The following RGS7 variants were observed in gnomAD, a reference collection of about 807,000 sequenced individuals.
The protein encoded by RGS7 is regulator of G protein signaling 7, also known as regulator of G-protein signaling 7.
In RGS7, 27 loss-of-function variants were observed where a neutral mutation model predicts 81.1. That is an observed-to-expected ratio of 0.33 (90% CI 0.25 to 0.46). The LOEUF is 0.46. Ranked by LOEUF, RGS7 falls within the 20% of genes least tolerant of loss-of-function variation. The probability of loss-of-function intolerance (pLI) is 1.00; values close to 1 mark genes in which losing one functional copy is unlikely to be tolerated. For synonymous variants in RGS7, 208 were observed against 207.7 expected (o/e 1.00, Z -0.01); for missense variants, 396 against 607.4 (o/e 0.65, Z 3.66).
intron 2 of RGS7, among the ~76,000 whole-genome samples, chr1:241,221,027 AAGGAAGGAAGGAAAAG>A (rs2074936143): frequency 8.7e-6 from 1 of 115,560 alleles, no homozygotes; most frequent in Non-Finnish European, 1.9e-5. Context: ...GGAAGGAAGG[AAGGAAGGAAGGAAAAG>A]AAAGAAAGAA....
At chr1:241,342,250 T>A (rs1331015620) in intron 2 of RGS7, among the ~76,000 whole-genome samples, 1 of 152,018 alleles carries the variant, frequency 6.6e-6, no homozygotes, top group Non-Finnish European at 1.5e-5. Context: ...AGAGCGAATA[T>A]CATAAAAATC....
chr1:241,274,902 T>C (rs2078110376), intron 2 of RGS7, among the ~76,000 whole-genome samples: 1 of 152,188 alleles, frequency 6.6e-6, no homozygotes, highest in Non-Finnish European at 1.5e-5. Context: ...TCAGATAACA[T>C]CACGACCAGA....
At chr1:240,986,086 T>C (rs1180143580) in intron 3 of RGS7, among the ~76,000 whole-genome samples, 1 of 152,122 alleles carries the variant, frequency 6.6e-6, no homozygotes, top group Non-Finnish European at 1.5e-5. Flanking sequence ...CAAAGTAACC[T>C]GTGGAATTTT....
In RGS7 at chr1:241,318,109, G is replaced by A. The variant is rs543614597; in HGVS notation, c.78+37590C>T. Among the ~76,000 whole-genome samples the A allele has an allele frequency of 4.9e-4, 74 of 152,204 alleles. 1 individual carries two copies. The Middle Eastern group carries it at 0.017, about 35-fold the overall frequency. On this transcript the variant is annotated intron_variant, in intron 2 of 18. Coordinates refer to ENST00000440928, the MANE Select transcript of RGS7 (RefSeq NM_001364886.1). ...TCTACGTGTTACAGACATATCCCCT[G>A]TCACTCAGGAGGTCCTAACCAGAGA...
chr1:240,865,721 T>A (rs1663110548), intron 9 of RGS7, among the ~76,000 whole-genome samples: 1 of 152,228 alleles, frequency 6.6e-6, no homozygotes, highest in Non-Finnish European at 1.5e-5. Flanking sequence ...GGGACAAATG[T>A]AAAAGTGTAG....
At chr1:241,011,738 A>T (rs1432192478) in intron 3 of RGS7, among the ~76,000 whole-genome samples, 1 of 152,196 alleles carries the variant, frequency 6.6e-6, no homozygotes, top group Non-Finnish European at 1.5e-5. Flanking sequence ...TGAGAACAGA[A>T]GCATTCTTAA....
chr1:241,127,557 G>A (rs951846555), intron 2 of RGS7, among the ~76,000 whole-genome samples: 12 of 152,078 alleles, frequency 7.9e-5, no homozygotes, highest in Non-Finnish European at 1.3e-4. Context: ...TGGGGGGAGC[G>A]GGGAGGGATA....
At chr1:241,056,550 G>C (rs544922183) in intron 3 of RGS7, among the ~76,000 whole-genome samples, 1 of 152,306 alleles carries the variant, frequency 6.6e-6, no homozygotes, top group East Asian at 1.9e-4. Flanking sequence ...GTAAGTATTT[G>C]TTGAATGAAT....
At chr1:240,799,681 A>G (rs1687720455) in intron 18 of RGS7, among the ~76,000 whole-genome samples, 1 of 152,212 alleles carries the variant, frequency 6.6e-6, no homozygotes, top group South Asian at 2.1e-4. Flanking sequence ...AGGTCTGTGC[A>G]TAATTTTTAT....
At chr1:240,945,831 T>C (rs892290481) in intron 4 of RGS7, among the ~76,000 whole-genome samples, 1 of 152,220 alleles carries the variant, frequency 6.6e-6, no homozygotes, top group Non-Finnish European at 1.5e-5. Context: ...AGCACATGTA[T>C]TTATCAATTT....
intron 18 of RGS7, among the ~76,000 whole-genome samples, chr1:240,792,977 C>A (rs1167829914): frequency 1.3e-5 from 2 of 152,026 alleles, no homozygotes; most frequent in Non-Finnish European, 2.9e-5. Flanking sequence ...TCATACAGAG[C>A]CCCCAGGATG....
intron 2 of RGS7, among the ~76,000 whole-genome samples, chr1:241,289,116 C>T (rs2078967029): frequency 6.6e-6 from 1 of 152,210 alleles, no homozygotes; most frequent in African/African-American, 2.4e-5. Flanking sequence ...AAGGAATGCT[C>T]TTCTTGGAGC....
intron 10 of RGS7, among the ~76,000 whole-genome samples, chr1:240,824,984 C>G (rs1464321370): frequency 6.6e-6 from 1 of 152,178 alleles, no homozygotes; most frequent in South Asian, 2.1e-4. Context: ...TTGCCACCAC[C>G]CTGATCTCGA....
Position 240,778,956 on chromosome 1 carries a change from C to T in RGS7, c.*7-2743G>A, listed in dbSNP as rs115905896. Among the ~76,000 whole-genome samples, 419 of 145,444 alleles carry T rather than the reference C, an allele frequency of 2.9e-3. 1 individual carries two copies. Among genetic ancestry groups the T allele is most frequent in the African/African-American group, 0.01 (377 of 36,612 alleles). ...CCCTGCTTTATAAATAAAATATGCACTCCTGCCTGCTCTGGTCTGTCTGTC... is the reference window on the plus strand; with the variant it reads ...CCCTGCTTTATAAATAAAATATGCATTCCTGCCTGCTCTGGTCTGTCTGTC... On this transcript the variant is annotated intron_variant, in intron 18 of 18. Transcript: ENST00000440928.
chr1:240,988,564 G>A (rs1024476426), intron 3 of RGS7, among the ~76,000 whole-genome samples: 1 of 152,132 alleles, frequency 6.6e-6, no homozygotes, highest in African/African-American at 2.4e-5. Flanking sequence ...ATAAGTAATT[G>A]CTAATATCTA....
Position 240,868,885 on chromosome 1 carries a change from T to C in RGS7, c.451-33A>G. 1 of 1,596,248 alleles carries C rather than the reference T, an allele frequency of 6.3e-7. No individual in the cohort carries two copies. The stretch of plus-strand genomic sequence containing the variant: ...ACATACCCCAGGTGAAGACATTTGG[T>C]GTTCATTGTCACTGCTCTCTTCTAG... On this transcript the variant is annotated intron_variant, in intron 7 of 18. Coordinates refer to ENST00000440928, the MANE Select transcript of RGS7 (RefSeq NM_001364886.1). The surrounding 1 kb of genome is among the most constrained non-coding windows in gnomAD (Gnocchi z 5.1).
Position 241,270,621 on chromosome 1 carries a change from A to G in RGS7, c.78+85078T>C, listed in dbSNP as rs190144205. ...ATCAAGTATCTGTCTTCGTTTAAAGAAAATAAGCACCAACTGGAGCTCTAG... is the reference window on the plus strand; with the variant it reads ...ATCAAGTATCTGTCTTCGTTTAAAGGAAATAAGCACCAACTGGAGCTCTAG... On this transcript the variant is annotated intron_variant, in intron 2 of 18. Coordinates refer to ENST00000440928, the MANE Select transcript of RGS7 (RefSeq NM_001364886.1). 3.2e-3 allele frequency among the ~76,000 whole-genome samples: 480 copies of G among 152,294 alleles called. 8 individuals carry two copies. Among genetic ancestry groups the G allele is most frequent in the Admixed American group, 0.027 (413 of 15,300 alleles).
intron 2 of RGS7, among the ~76,000 whole-genome samples, chr1:241,145,598 T>G (rs1211401452): frequency 3.3e-5 from 5 of 152,124 alleles, no homozygotes; most frequent in African/African-American, 1.2e-4. Context: ...AAAGCCAGTT[T>G]GGCCAAGGTT....
rs1322218554 is a variant in RGS7, at chr1:241,271,435, T to C, written c.78+84264A>G. ...TTCAAACAATTCCCATTAAATGCAT[T>C]AAGGCTTTCCAGTGGCCTCCCATAG... On this transcript the variant is annotated intron_variant, in intron 2 of 18. Coordinates refer to ENST00000440928, the MANE Select transcript of RGS7 (RefSeq NM_001364886.1). The surrounding 1 kb of genome is among the most constrained non-coding windows in gnomAD (Gnocchi z 4.6). 1.3e-5 allele frequency among the ~76,000 whole-genome samples: 2 copies of C among 152,194 alleles called. No homozygotes were observed. Among genetic ancestry groups the C allele is most frequent in the Non-Finnish European group, 2.9e-5 (2 of 68,042 alleles).
Sources: gnomAD v4.1 joint callset for allele counts (sites outside exome capture counted in the v4.1 genomes callset) on GRCh38, gnomAD v4.1.1 for gene constraint, Gnocchi (gnomAD v3.1) non-coding constraint, MANE v1.5 for transcripts, NCBI Gene and HGNC (gene_info 2026-07-23, HGNC 2026-07-21) for gene names.